The following TBC1D5 variants were observed in gnomAD, a reference collection of about 807,000 sequenced individuals.
TBC1D5 encodes TBC1 domain family member 5.
TBC1D5 carries 75 observed loss-of-function variants against 100.3 expected under a neutral mutation model. The observed-to-expected ratio is 0.75, with a 90% confidence interval of 0.62 to 0.91. The LOEUF is 0.91. Among genes scored for constraint, TBC1D5 ranks in the 40% least tolerant of loss-of-function variants. The pLI, the probability that TBC1D5 is intolerant of heterozygous loss-of-function variation, is 0.00. For synonymous variants in TBC1D5, 323 were observed against 325.6 expected (o/e 0.99, Z 0.09); for missense variants, 910 against 942.4 (o/e 0.97, Z 0.45).
chr3:17,588,135 A>C (rs2096743926), intron 2 of TBC1D5, among the ~76,000 whole-genome samples: 1 of 151,966 alleles, frequency 6.6e-6, no homozygotes, highest in Non-Finnish European at 1.5e-5. Context: ...CCAATTTTTA[A>C]TTTTAGGCCA....
intron 8 of TBC1D5, among the ~76,000 whole-genome samples, chr3:17,401,248 T>A: frequency 6.7e-6 from 1 of 150,346 alleles, no homozygotes; most frequent in African/African-American, 2.4e-5. Context: ...CATGTATGTG[T>A]ATAATATACA....
intron 2 of TBC1D5, among the ~76,000 whole-genome samples, chr3:17,543,770 C>T (rs1576615352): frequency 6.6e-6 from 1 of 152,220 alleles, no homozygotes; most frequent in East Asian, 1.9e-4. Context: ...TGGTATACAA[C>T]AGAATCACCT....
chr3:17,656,904 TAC>T, intron 1 of TBC1D5, among the ~76,000 whole-genome samples: 1 of 152,096 alleles, frequency 6.6e-6, no homozygotes, highest in South Asian at 2.1e-4. Flanking sequence ...TGGAATGAGG[TAC>T]AGATTTGTCA....
chr3:17,695,603 C>T (rs375064483), intron 1 of TBC1D5, among the ~76,000 whole-genome samples: 1 of 152,046 alleles, frequency 6.6e-6, no homozygotes, highest in African/African-American at 2.4e-5. Context: ...TAAAGCAAGT[C>T]CTTAGAGACC....
chr3:17,347,930 G>T (rs1332240436), intron 13 of TBC1D5, among the ~76,000 whole-genome samples: 1 of 152,092 alleles, frequency 6.6e-6, no homozygotes, highest in Non-Finnish European at 1.5e-5. Flanking sequence ...TTGAGTCCAG[G>T]AGCTGGAGGC....
chr3:17,484,490 T>TGTGTGTGTGTGTGTGTGTGTGTG (rs2095536962), intron 3 of TBC1D5, among the ~76,000 whole-genome samples: 7 of 99,434 alleles, frequency 7.0e-5, no homozygotes, highest in African/African-American at 2.4e-4. Flanking sequence ...GTGTGTGTGT[T>TGTGTGTGTGTGTGTGTGTGTGTG]TGGGTAACAA....
At chr3:17,351,684 A>G (rs923686723) in intron 13 of TBC1D5, among the ~76,000 whole-genome samples, 4 of 152,078 alleles carry the variant, frequency 2.6e-5, no homozygotes, top group African/African-American at 9.7e-5. Context: ...CTATGTAACA[A>G]ACCTGCACGT....
At chr3:17,656,428 A>G (rs145237676) in intron 1 of TBC1D5, among the ~76,000 whole-genome samples, 1 of 152,334 alleles carries the variant, frequency 6.6e-6, no homozygotes, top group Non-Finnish European at 1.5e-5. Context: ...TGGAAACAGA[A>G]ACTCCTGCTG....
At position 17,316,403 on chromosome 3, in the gene TBC1D5, G is replaced by C. The variant is rs531506917; in HGVS notation, c.996-8269C>G. On this transcript the variant is annotated intron_variant, in intron 13 of 21. Coordinates refer to ENST00000253692, the Ensembl canonical transcript of TBC1D5. ...GACCCCTTTGAGAATGTAATCAAGC[G>C]TATGAGCCCTCTCTTCTGAAAAATA... Among the ~76,000 whole-genome samples the C allele has an allele frequency of 2.0e-5, 3 of 152,196 alleles. No homozygotes were observed. In the East Asian group the frequency reaches 5.8e-4, roughly 29 times the overall value.
intron 1 of TBC1D5, among the ~76,000 whole-genome samples, chr3:17,709,579 G>A (rs910806916): frequency 2.0e-5 from 3 of 152,056 alleles, no homozygotes; most frequent in Non-Finnish European, 4.4e-5. Flanking sequence ...TTCTGTTACT[G>A]GCATTCAAAG....
At chr3:17,636,190 A>G (rs1275481032) in intron 1 of TBC1D5, among the ~76,000 whole-genome samples, 5 of 152,042 alleles carry the variant, frequency 3.3e-5, no homozygotes, top group Non-Finnish European at 5.9e-5. Context: ...CCATATCAAG[A>G]AAAAAAAGAA....
chr3:17,171,631 CTCT>C (rs2067178907), intron 19 of TBC1D5, among the ~76,000 whole-genome samples: 1 of 152,034 alleles, frequency 6.6e-6, no homozygotes, highest in South Asian at 2.1e-4. Flanking sequence ...CGAAATTCCC[CTCT>C]TCTTATAAGG....
At chr3:17,663,217 C>T (rs1448176259) in intron 1 of TBC1D5, 4 of 151,268 alleles carry the variant, frequency 2.6e-5, no homozygotes, top group Non-Finnish European at 5.9e-5. Context: ...GTTTTAAATA[C>T]TAAAGATGAA....
chr3:17,569,579 C>G (rs908932311), intron 2 of TBC1D5, among the ~76,000 whole-genome samples: 1 of 150,902 alleles, frequency 6.6e-6, no homozygotes, highest in Non-Finnish European at 1.5e-5. Context: ...TTTTATCCAC[C>G]CTGCATATGA....
chr3:17,208,565 TA>T (rs2072542919), intron 18 of TBC1D5, among the ~76,000 whole-genome samples: 1 of 152,254 alleles, frequency 6.6e-6, no homozygotes, highest in Admixed American at 6.5e-5. Flanking sequence ...TTATTTATCT[TA>T]AAAATTTCTG....
chr3:17,209,154 T>C (rs1381716442), intron 18 of TBC1D5, among the ~76,000 whole-genome samples: 3 of 152,208 alleles, frequency 2.0e-5, no homozygotes, highest in African/African-American at 7.2e-5. Context: ...TATGTATCTA[T>C]CTAGTCTATC....
At chr3:17,274,974 G>C (rs1380218335) in intron 15 of TBC1D5, among the ~76,000 whole-genome samples, 3 of 152,118 alleles carry the variant, frequency 2.0e-5, no homozygotes, top group Non-Finnish European at 4.4e-5. Flanking sequence ...TGAAGGGGCT[G>C]TCAAAAAAGT....
In TBC1D5 at chr3:17,389,132, A is replaced by AT. The variant is rs113920126; in HGVS notation, c.510-5118dup. Among the ~76,000 whole-genome samples, 1,046 of 152,070 alleles carry AT rather than the reference A, an allele frequency of 6.9e-3. 4 individuals are homozygous for AT. The highest frequency in any genetic ancestry group is 0.023 in the African/African-American group (938 of 41,480). On this transcript the variant is annotated intron_variant, in intron 8 of 21. Transcript: ENST00000253692. Reference sequence around the variant, plus strand: ...GTAATGTATTTGTTAAAGAAACCAGATTTTTTATCCTGTAGAAGCTTCCCA... The same window carrying AT: ...GTAATGTATTTGTTAAAGAAACCAGATTTTTTTATCCTGTAGAAGCTTCCCA...
exon 22 of TBC1D5, chr3:17,159,120 G>A (rs1158163810): frequency 1.3e-5 from 2 of 152,248 alleles, no homozygotes; most frequent in Non-Finnish European, 2.9e-5. Flanking sequence ...GAGCTACTGT[G>A]TGCATCTGCC....
Sources: allele counts gnomAD v4.1 joint callset (sites outside exome capture counted in the v4.1 genomes callset), GRCh38; gene constraint gnomAD v4.1.1; transcripts MANE v1.5; gene names NCBI Gene and HGNC (gene_info 2026-07-23, HGNC 2026-07-21).